The following ZMYND11 variants were observed in gnomAD, a reference collection of about 807,000 sequenced individuals.
The protein encoded by ZMYND11 is zinc finger MYND domain-containing protein 11.
ZMYND11 carries 9 observed loss-of-function variants against 84.9 expected under a neutral mutation model. The ratio of observed to expected loss-of-function variants is 0.11; its 90% CI spans 0.06 to 0.18. The LOEUF (loss-of-function observed/expected upper bound fraction) is 0.18, where lower values mean the gene tolerates loss of function less well. Among genes scored for constraint, ZMYND11 ranks in the 10% least tolerant of loss-of-function variants. The probability of loss-of-function intolerance (pLI) is 1.00; values close to 1 mark genes in which losing one functional copy is unlikely to be tolerated. For missense variants in ZMYND11, 409 were observed against 761.0 expected, an observed-to-expected ratio of 0.54 and a Z score of 5.44; for synonymous variants, 250 against 244.1, an observed-to-expected ratio of 1.02 and a Z score of -0.23.
chr10:163,450 T>G (rs1554762668), intron 1 of ZMYND11, among the ~76,000 whole-genome samples: 1 of 152,160 alleles, frequency 6.6e-6, no homozygotes, highest in Non-Finnish European at 1.5e-5. Flanking sequence ...TGTGCATTCC[T>G]TATTTTTTTG....
At chr10:155,042 A>C (rs1238002415) in intron 1 of ZMYND11, 2 of 152,170 alleles carry the variant, frequency 1.3e-5, no homozygotes, top group African/African-American at 4.8e-5. Flanking sequence ...CCTGGTGTAT[A>C]TGACTTTAAA....
chr10:235,776 A>T (rs1376766346), intron 4 of ZMYND11, among the ~76,000 whole-genome samples: 3 of 152,232 alleles, frequency 2.0e-5, no homozygotes, highest in Non-Finnish European at 4.4e-5. Context: ...TGGGGTCAGG[A>T]AGGTGCAGTG....
chr10:224,122 G>A (rs1282582976), intron 4 of ZMYND11, among the ~76,000 whole-genome samples: 3 of 152,120 alleles, frequency 2.0e-5, no homozygotes, highest in Non-Finnish European at 4.4e-5. Flanking sequence ...TGCAGTGATT[G>A]GAATACTATT....
chr10:237,727 C>CTA, intron 6 of ZMYND11, 50 bp downstream of exon 6: 1 of 1,414,104 alleles, frequency 7.1e-7, no homozygotes, highest in Non-Finnish European at 9.8e-7. Flanking sequence ...TCTTAACTAA[C>CTA]AAGTTAAAGA....
chr10:221,082 C>T, intron 3 of ZMYND11, 113 bp from the exon 4 acceptor site: 2 of 959,546 alleles, frequency 2.1e-6, no homozygotes, highest in Non-Finnish European at 3.2e-6. Context: ...CAGTAAATGT[C>T]TTTAAATTGT....
chr10:140,266 T>C (rs1837204184), intron 1 of ZMYND11, among the ~76,000 whole-genome samples: 1 of 152,322 alleles, frequency 6.6e-6, no homozygotes, highest in South Asian at 2.1e-4. Context: ...CAAATCAAAA[T>C]ACCCAATACA....
At chr10:134,944 G>C (rs575931055), upstream of ZMYND11, 2 of 150,058 alleles carry the variant, frequency 1.3e-5, no homozygotes, top group East Asian at 3.9e-4. Context: ...GCCGCGAGCC[G>C]GGCCGGCCGC....
At chr10:151,959 C>T (rs1005752682) in intron 1 of ZMYND11, among the ~76,000 whole-genome samples, 1 of 152,140 alleles carries the variant, frequency 6.6e-6, no homozygotes, top group African/African-American at 2.4e-5. Context: ...CATATCCAGC[C>T]AAACTAAGCT....
chr10:209,682 T>C (rs1242821718), intron 2 of ZMYND11, among the ~76,000 whole-genome samples: 1 of 152,212 alleles, frequency 6.6e-6, no homozygotes, highest in Non-Finnish European at 1.5e-5. Flanking sequence ...GAGTTTAAAA[T>C]AGCATGATAA....
intron 1 of ZMYND11, chr10:148,627 A>G (rs1839492581): frequency 1.3e-5 from 2 of 152,244 alleles, no homozygotes; most frequent in Admixed American, 6.5e-5. Context: ...TCTCTTTAAC[A>G]TAGTGTTCAT....
chr10:161,227 A>T (rs1233828589), intron 1 of ZMYND11, among the ~76,000 whole-genome samples: 1 of 152,196 alleles, frequency 6.6e-6, no homozygotes, highest in African/African-American at 2.4e-5. Context: ...CTCTGGGGTA[A>T]CCAGGTGGAT....
intron 1 of ZMYND11, among the ~76,000 whole-genome samples, chr10:162,613 T>C (rs540413531): frequency 7.6e-4 from 116 of 152,284 alleles, no homozygotes; most frequent in Non-Finnish European, 1.2e-3. Context: ...CTAGAGGTGA[T>C]GATATTCTTC....
At chr10:159,355 C>T (rs1842489991) in intron 1 of ZMYND11, among the ~76,000 whole-genome samples, 3 of 152,006 alleles carry the variant, frequency 2.0e-5, no homozygotes, top group Non-Finnish European at 4.4e-5. Flanking sequence ...GTGTTCCCAC[C>T]AGTAGCGTAT....
upstream of ZMYND11, among the ~76,000 whole-genome samples, chr10:133,895 TTG>T (rs1183369663): frequency 6.6e-6 from 1 of 152,244 alleles, no homozygotes; most frequent in Non-Finnish European, 1.5e-5. Flanking sequence ...GCATGAAAGA[TTG>T]TGTTTATTTG....
intron 2 of ZMYND11, among the ~76,000 whole-genome samples, chr10:193,806 A>G (rs1941056494): frequency 6.6e-6 from 1 of 152,178 alleles, no homozygotes. Flanking sequence ...CTGTTTTAGA[A>G]TTTTATTTGA....
At chr10:190,587 T>G (rs1940101283) in intron 2 of ZMYND11, among the ~76,000 whole-genome samples, 1 of 152,156 alleles carries the variant, frequency 6.6e-6, no homozygotes. Flanking sequence ...CTCTTAAAAT[T>G]CTCTTTTGAT....
chr10:138,188 C>T (rs569150429), intron 1 of ZMYND11, among the ~76,000 whole-genome samples: 44 of 145,914 alleles, frequency 3.0e-4, no homozygotes, highest in Non-Finnish European at 5.5e-4. Context: ...CGGCTTACTG[C>T]AACCCCTGCC....
chr10:177,296 C>A (rs1166204527), intron 1 of ZMYND11, among the ~76,000 whole-genome samples: 1 of 152,040 alleles, frequency 6.6e-6, no homozygotes, highest in Non-Finnish European at 1.5e-5. Flanking sequence ...CATTGTATTT[C>A]TCTCACTTGG....
chr10:193,139 ATTT>A, intron 2 of ZMYND11, among the ~76,000 whole-genome samples: 1 of 152,090 alleles, frequency 6.6e-6, no homozygotes. Context: ...TATTCCCTAC[ATTT>A]TCTTTTACTA....
Sources: gnomAD v4.1 joint callset for allele counts (sites outside exome capture counted in the v4.1 genomes callset) on GRCh38, gnomAD v4.1.1 for gene constraint, MANE v1.5 for transcripts, NCBI Gene and HGNC (gene_info 2026-07-23, HGNC 2026-07-21) for gene names.